Variants in ENOX2 observed in about 807,000 individuals in gnomAD.
ENOX2 encodes the protein ecto-NOX disulfide-thiol exchanger 2, also known as APK1 antigen.
ENOX2 carries 36 observed loss-of-function variants against 45.0 expected under a neutral mutation model. The ratio of observed to expected loss-of-function variants is 0.80; its 90% CI spans 0.61 to 1.06. The LOEUF (loss-of-function observed/expected upper bound fraction) is 1.06. Ranked by LOEUF, ENOX2 falls within the 50% of genes least tolerant of loss-of-function variation. The pLI, the probability that ENOX2 is intolerant of heterozygous loss-of-function variation, is 0.00. For synonymous variants in ENOX2, 174 were observed against 152.3 expected (o/e 1.14, Z -1.05); for missense variants, 423 against 462.5 (o/e 0.91, Z 0.78).
At chrX:130,679,488 C>A (rs1255018119) in intron 6 of ENOX2, 54 bp downstream of exon 6, 8 of 1,008,568 alleles carry the variant, frequency 7.9e-6, no homozygotes. Flanking sequence ...ATAGTTCTAT[C>A]TTTAATATCT....
chrX:130,768,946 G>A (rs762644142), intron 3 of ENOX2, among the ~76,000 whole-genome samples: 42 of 110,907 alleles, frequency 3.8e-4, no homozygotes, highest in Non-Finnish European at 6.6e-4. Context: ...GAAGATGATC[G>A]GTCTAAGATT....
At chrX:130,821,741 T>TAA (rs1569505783) in intron 2 of ENOX2, among the ~76,000 whole-genome samples, 1 of 24,207 alleles carries the variant, frequency 4.1e-5, no homozygotes, top group Non-Finnish European at 7.7e-5. Flanking sequence ...AATAAATAAA[T>TAA]TAAAAAAAAA....
intron 2 of ENOX2, among the ~76,000 whole-genome samples, chrX:130,843,851 T>C (rs2078055268): frequency 8.9e-6 from 1 of 112,135 alleles, no homozygotes. Flanking sequence ...TATCCTTCTG[T>C]ATGTGATTCT....
In ENOX2 at chrX:130,788,836, A is replaced by G. The variant is rs144584808; in HGVS notation, c.-182-5146T>C. Among the ~76,000 whole-genome samples, 970 of 112,486 alleles carry G rather than the reference A, an allele frequency of 8.6e-3. 10 individuals are homozygous for G. Among genetic ancestry groups the G allele is most frequent in the African/African-American group, 0.029 (913 of 30,980 alleles). ...GTTTGTCCAAAGGGAAGTACAAATTATTAAAATAAAGACAAATAGATAATA... is the reference window on the plus strand; with the variant it reads ...GTTTGTCCAAAGGGAAGTACAAATTGTTAAAATAAAGACAAATAGATAATA... On this transcript the variant is annotated intron_variant, in intron 2 of 14. Transcript: ENST00000394363.
At position 130,897,950 on chromosome X, in the gene ENOX2, G is replaced by T. The variant is rs1043960316; in HGVS notation, c.-183+3734C>A. On this transcript the variant is annotated intron_variant, in intron 2 of 14. Transcript: ENST00000394363. The stretch of plus-strand genomic sequence containing the variant: ...GCTAGAAGTGATGCATGTGTGTTGG[G>T]GGGTGGAAGGTATGCCCCAAAGTAA... Among the ~76,000 whole-genome samples the T allele has an allele frequency of 2.7e-5, 3 of 112,002 alleles. No homozygotes were observed. In the Admixed American group the frequency reaches 2.8e-4, roughly 11 times the overall value.
At chrX:130,659,200 T>C (rs2036621474) in intron 9 of ENOX2, among the ~76,000 whole-genome samples, 1 of 112,354 alleles carries the variant, frequency 8.9e-6, no homozygotes, top group African/African-American at 3.2e-5. Context: ...GATTTTTAAA[T>C]AATTAATGGT....
At chrX:130,898,065 T>C (rs2079087365) in intron 2 of ENOX2, among the ~76,000 whole-genome samples, 1 of 110,217 alleles carries the variant, frequency 9.1e-6, no homozygotes, top group African/African-American at 3.3e-5. Context: ...TGGAGTGTAG[T>C]GGTGCAATCT....
At chrX:130,733,331 T>C (rs2038781813) in intron 3 of ENOX2, among the ~76,000 whole-genome samples, 1 of 108,920 alleles carries the variant, frequency 9.2e-6, no homozygotes, top group African/African-American at 3.3e-5. Flanking sequence ...GAGAGATCAA[T>C]ATATACCTGT....
At chrX:130,814,950 G>A (rs1343416639) in intron 2 of ENOX2, among the ~76,000 whole-genome samples, 1 of 111,213 alleles carries the variant, frequency 9.0e-6, no homozygotes, top group Non-Finnish European at 1.9e-5. Context: ...AAACTCCTCC[G>A]AGCTAAAGGA....
At chrX:130,728,154 G>T (rs1365502605) in intron 3 of ENOX2, among the ~76,000 whole-genome samples, 1 of 111,258 alleles carries the variant, frequency 9.0e-6, no homozygotes, top group African/African-American at 3.3e-5. Context: ...CAGGCTTTCA[G>T]CTTCCCCAGG....
chrX:130,653,042 C>A (rs1035003424), intron 10 of ENOX2, among the ~76,000 whole-genome samples: 1 of 112,243 alleles, frequency 8.9e-6, no homozygotes, highest in African/African-American at 3.2e-5. Context: ...CAACAGGTCT[C>A]CAGTCTCTCA....
intron 3 of ENOX2, among the ~76,000 whole-genome samples, chrX:130,769,912 T>C (rs1178213898): frequency 8.9e-6 from 1 of 112,325 alleles, no homozygotes; most frequent in African/African-American, 3.2e-5. Context: ...CTAAATAATA[T>C]GGATAGAAAT....
chrX:130,870,968 A>G (rs1057202185), intron 2 of ENOX2, among the ~76,000 whole-genome samples: 1 of 109,822 alleles, frequency 9.1e-6, no homozygotes, highest in Non-Finnish European at 1.9e-5. Context: ...GAGAGCTTCT[A>G]TATTTTCTTC....
At chrX:130,867,452 C>G (rs914921898) in intron 2 of ENOX2, among the ~76,000 whole-genome samples, 2 of 111,678 alleles carry the variant, frequency 1.8e-5, no homozygotes, top group Non-Finnish European at 3.8e-5. Flanking sequence ...AACCACTGGT[C>G]AGTCTTGTAC....
chrX:130,832,044 T>C (rs958840780), intron 2 of ENOX2, among the ~76,000 whole-genome samples: 2 of 110,482 alleles, frequency 1.8e-5, no homozygotes, highest in Non-Finnish European at 3.8e-5. Flanking sequence ...CAGGTTCTAA[T>C]CTTTTTGTGG....
In ENOX2 at chrX:130,670,029, T is replaced by C. The variant is rs200594423; in HGVS notation, c.630A>G (p.Pro210=). 89 of 1,209,941 alleles carry C rather than the reference T, an allele frequency of 7.4e-5. No individual in the cohort carries two copies. In the East Asian group the frequency reaches 2.6e-3, roughly 35 times the overall value. ...RRMEEERLRP[P]SPPPVVHYSD... Reference sequence around the variant, plus strand: ...AATAGTGGACCACTGGGGGTGGAGATGGTGGACGCAATCTTTCTTCTTCCA... The same window carrying C: ...AATAGTGGACCACTGGGGGTGGAGACGGTGGACGCAATCTTTCTTCTTCCA... The change falls in exon 7 of 15, where the codon CCA becomes CCG. Residue 210 remains proline (P), a synonymous_variant. Coordinates refer to ENST00000394363, the MANE Select transcript of ENOX2 (RefSeq NM_006375.4).
At chrX:130,881,993 G>A (rs2078821391) in intron 2 of ENOX2, among the ~76,000 whole-genome samples, 1 of 111,825 alleles carries the variant, frequency 8.9e-6, no homozygotes, top group East Asian at 2.8e-4. Flanking sequence ...TATGTGCTAA[G>A]AGACAAGTAA....
Position 130,637,520 on chromosome X carries a change from T to G in ENOX2, c.1130-110A>C. 5 of 596,018 alleles carry G rather than the reference T, an allele frequency of 8.4e-6. No homozygotes were observed. In the Admixed American group the frequency reaches 1.5e-4, roughly 18 times the overall value. The allele number at this position is 596,018 out of a possible 1,213,427, so 49.1% of individuals were successfully genotyped here. On this transcript the variant is annotated intron_variant, in intron 10 of 14. Coordinates refer to ENST00000394363, the MANE Select transcript of ENOX2 (RefSeq NM_006375.4). ...CTTGATGAAGAACTTCAGGTTTGAGTTGGCCATCTCAGCAAGAGATAGATA... is the reference window on the plus strand; with the variant it reads ...CTTGATGAAGAACTTCAGGTTTGAGGTGGCCATCTCAGCAAGAGATAGATA...
At chrX:130,649,999 T>A (rs1397378990) in intron 10 of ENOX2, among the ~76,000 whole-genome samples, 1 of 112,645 alleles carries the variant, frequency 8.9e-6, no homozygotes, top group African/African-American at 3.2e-5. Context: ...GTAAATCAAG[T>A]GACTCCTACA....
Sources: allele counts gnomAD v4.1 joint callset (sites outside exome capture counted in the v4.1 genomes callset), GRCh38; gene constraint gnomAD v4.1.1; transcripts MANE v1.5; gene names NCBI Gene and HGNC (gene_info 2026-07-23, HGNC 2026-07-21).